The following TRAPPC10 variants were observed in gnomAD, a reference collection of about 807,000 sequenced individuals.
TRAPPC10 encodes TRAPP 130 kDa subunit.
In TRAPPC10, 23 loss-of-function variants were observed where a neutral mutation model predicts 125.5. That is an observed-to-expected ratio of 0.18 (90% CI 0.13 to 0.26). The LOEUF (loss-of-function observed/expected upper bound fraction) is 0.26. TRAPPC10 is among the 10% of genes least tolerant of loss of function. The pLI, the probability that TRAPPC10 is intolerant of heterozygous loss-of-function variation, is 1.00. For missense variants in TRAPPC10, 1,123 were observed against 1,308.4 expected, an observed-to-expected ratio of 0.86 and a Z score of 2.19; for synonymous variants, 509 against 518.0, an observed-to-expected ratio of 0.98 and a Z score of 0.24.
At chr21:44,093,215 T>TG (rs1292581160) in intron 19 of TRAPPC10, among the ~76,000 whole-genome samples, 1 of 152,138 alleles carries the variant, frequency 6.6e-6, no homozygotes, top group Non-Finnish European at 1.5e-5. Flanking sequence ...TCCCAACACT[T>TG]TGGGAGGCCC....
rs1601700281 is a variant in TRAPPC10, at chr21:44,059,708, A to T, written c.790+494A>T. On this transcript the variant is annotated intron_variant, in intron 6 of 22. Transcript: ENST00000291574. The surrounding 1 kb of genome is among the most constrained non-coding windows in gnomAD (Gnocchi z 4.4). ...GCACAGTGAAACCATACACAGAGAG[A>T]AACATTGGTTATTGTCCTCAGTGTT... 2.0e-6 allele frequency: 1 copy of T among 503,790 alleles called. No homozygotes were observed. Among genetic ancestry groups the T allele is most frequent in the East Asian group, 2.9e-5 (1 of 33,988 alleles). 31.2% of individuals were successfully genotyped at this position (503,790 alleles called of 1,614,324 possible).
intron 3 of TRAPPC10, among the ~76,000 whole-genome samples, chr21:44,050,913 T>A (rs994684261): frequency 6.6e-6 from 1 of 151,488 alleles, no homozygotes; most frequent in Non-Finnish European, 1.5e-5. Flanking sequence ...GATTTAATAT[T>A]TTTTTTTTGG....
Position 44,059,166 on chromosome 21 carries a change from G to A in TRAPPC10, c.742G>A (p.Glu248Lys), listed in dbSNP as rs1250229124. The A allele has an allele frequency of 2.5e-6, 4 of 1,612,198 alleles. No homozygotes were observed. The highest frequency in any genetic ancestry group is 2.7e-5 in the African/African-American group (2 of 74,822). ...CGAGGACGCCCTGGTGCAGTACGAC[G>A]AACTGGACGCCCTCTTCTCTCAGTA... ...QFEDALVQYD[E>K]LDALFSQYVV... The change falls in exon 6 of 23, where the codon GAA becomes AAA. Residue 248 changes from glutamate (E) to lysine (K), a missense_variant. Glu to Lys is a moderately conservative substitution (Grantham distance 56). Transcript: ENST00000291574. The surrounding 1 kb of genome is among the most constrained non-coding windows in gnomAD (Gnocchi z 4.4).
At chr21:44,047,890 G>A (rs1216290062) in intron 3 of TRAPPC10, among the ~76,000 whole-genome samples, 1 of 151,990 alleles carries the variant, frequency 6.6e-6, no homozygotes, top group African/African-American at 2.4e-5. Flanking sequence ...TCTTTTAATT[G>A]CTTTCTGTGT....
chr21:44,034,073 A>G (rs1242164963), intron 2 of TRAPPC10, among the ~76,000 whole-genome samples: 1 of 152,184 alleles, frequency 6.6e-6, no homozygotes, highest in African/African-American at 2.4e-5. Context: ...AGGCCGCAGG[A>G]TATAGCTGTG....
At chr21:44,056,119 C>T (rs2035569353) in intron 5 of TRAPPC10, among the ~76,000 whole-genome samples, 1 of 152,058 alleles carries the variant, frequency 6.6e-6, no homozygotes, top group African/African-American at 2.4e-5. Flanking sequence ...CCTCTGGGGG[C>T]AAAAGCTGGA....
At chr21:44,094,728 G>T (rs976482949) in intron 20 of TRAPPC10, among the ~76,000 whole-genome samples, 7 of 152,182 alleles carry the variant, frequency 4.6e-5, no homozygotes, top group Non-Finnish European at 1.0e-4. Flanking sequence ...GAGTAGCCTT[G>T]AGCTAGGTGA....
Position 44,087,036 on chromosome 21 carries a change from G to C in TRAPPC10, c.2539+76G>C. On this transcript the variant is annotated intron_variant, in intron 16 of 22. Transcript: ENST00000291574. This position sits in a 1 kb window ranked among gnomAD's most constrained non-coding sequence, Gnocchi z 4.6. Reference sequence around the variant, plus strand: ...CTGTGTGGGTGTGAGGGTGAGCCTGGCCTTGCTGCCATCCTGCTGAGCGCC... The same window carrying C: ...CTGTGTGGGTGTGAGGGTGAGCCTGCCCTTGCTGCCATCCTGCTGAGCGCC... 2 of 1,539,470 alleles carry C rather than the reference G, an allele frequency of 1.3e-6. No homozygotes were observed. The highest frequency in any genetic ancestry group is 8.8e-7 in the Non-Finnish European group (1 of 1,130,612).
intron 6 of TRAPPC10, among the ~76,000 whole-genome samples, chr21:44,061,121 A>T (rs1045838982): frequency 2.7e-5 from 4 of 150,628 alleles, no homozygotes; most frequent in East Asian, 3.9e-4. Context: ...TATTTATTTT[A>T]ATTTTAATTT....
intron 1 of TRAPPC10, among the ~76,000 whole-genome samples, chr21:44,013,221 C>T (rs1375461541): frequency 1.3e-5 from 2 of 152,186 alleles, no homozygotes; most frequent in Non-Finnish European, 1.5e-5. Context: ...GTGTCGTGTC[C>T]TCCCCGCACC....
chr21:44,026,524 C>G (rs1257745324), intron 1 of TRAPPC10, among the ~76,000 whole-genome samples: 1 of 152,178 alleles, frequency 6.6e-6, no homozygotes, highest in Non-Finnish European at 1.5e-5. Context: ...CACTTGCATT[C>G]CTAGGCTTGA....
chr21:44,032,051 C>T, intron 1 of TRAPPC10, 40 bp from the exon 2 acceptor site: 2 of 1,556,738 alleles, frequency 1.3e-6, no homozygotes, highest in Non-Finnish European at 1.8e-6. Flanking sequence ...ATGTATTCAC[C>T]TAAAAATATG....
intron 3 of TRAPPC10, among the ~76,000 whole-genome samples, chr21:44,044,490 G>A (rs1370368007): frequency 6.6e-6 from 1 of 151,840 alleles, no homozygotes; most frequent in Non-Finnish European, 1.5e-5. Flanking sequence ...TATATTACTT[G>A]ATGCGTGATA....
chr21:44,019,823 C>T (rs908875319), intron 1 of TRAPPC10, among the ~76,000 whole-genome samples: 2 of 152,174 alleles, frequency 1.3e-5, no homozygotes, highest in Non-Finnish European at 2.9e-5. Flanking sequence ...ATTCATCAAG[C>T]GTCTTTGGTT....
intron 3 of TRAPPC10, among the ~76,000 whole-genome samples, chr21:44,042,925 GTATTT>G (rs1443515465): frequency 6.6e-6 from 1 of 152,110 alleles, no homozygotes; most frequent in Non-Finnish European, 1.5e-5. Context: ...CTGATTTTCT[GTATTT>G]TATTTTAATA....
chr21:44,026,153 A>G (rs1007345134), intron 1 of TRAPPC10, among the ~76,000 whole-genome samples: 3 of 152,006 alleles, frequency 2.0e-5, no homozygotes, highest in East Asian at 1.9e-4. Flanking sequence ...TTCTACCTAG[A>G]GAATCTGGAT....
intron 5 of TRAPPC10, among the ~76,000 whole-genome samples, chr21:44,056,467 A>G (rs1357776455): frequency 1.3e-5 from 2 of 152,186 alleles, no homozygotes; most frequent in East Asian, 3.8e-4. Flanking sequence ...TAGCCACTCC[A>G]CAGTGGGGAA....
At chr21:44,051,355 T>A (rs1415427821) in intron 3 of TRAPPC10, among the ~76,000 whole-genome samples, 1 of 152,204 alleles carries the variant, frequency 6.6e-6, no homozygotes, top group African/African-American at 2.4e-5. Context: ...ATGGTAGCTG[T>A]GAGTTACTGT....
chr21:44,065,793 A>G (rs1377548233), intron 7 of TRAPPC10, among the ~76,000 whole-genome samples: 2 of 152,216 alleles, frequency 1.3e-5, no homozygotes, highest in East Asian at 1.9e-4. Context: ...ACTGAGATTC[A>G]CACTGTTTAC....
Sources: gnomAD v4.1 joint callset for allele counts (sites outside exome capture counted in the v4.1 genomes callset) on GRCh38, gnomAD v4.1.1 for gene constraint, Gnocchi (gnomAD v3.1) non-coding constraint, MANE v1.5 for transcripts, NCBI Gene and HGNC (gene_info 2026-07-23, HGNC 2026-07-21) for gene names.